PCDHGA9: variants seen among roughly 807,000 people sequenced by gnomAD.
PCDHGA9 encodes the protein protocadherin gamma subfamily A, 9.
Under a neutral mutation model 62.5 loss-of-function variants are expected in PCDHGA9, and 37 were observed. The observed-to-expected ratio is 0.59, with a 90% CI of 0.46 to 0.78. The LOEUF is 0.78. Among genes scored for constraint, PCDHGA9 ranks in the 30% least tolerant of loss-of-function variants. PCDHGA9 has a pLI of 0.00. For missense variants in PCDHGA9, 1,138 were observed against 1,166.2 expected, an observed-to-expected ratio of 0.98 and a Z score of 0.35; for synonymous variants, 459 against 484.6, an observed-to-expected ratio of 0.95 and a Z score of 0.69.
intron 1 of PCDHGA9, among the ~76,000 whole-genome samples, chr5:141,445,787 T>C (rs2098477657): frequency 1.3e-5 from 2 of 152,182 alleles, no homozygotes; most frequent in South Asian, 4.1e-4. Context: ...CTAGGGAGGC[T>C]AGAAACAGAA....
chr5:141,418,478 G>C (rs777772131), intron 1 of PCDHGA9: 1 of 1,613,976 alleles, frequency 6.2e-7, no homozygotes, highest in Non-Finnish European at 8.5e-7. Context: ...AACGCAGAGC[G>C]CTCACCACTT....
chr5:141,419,660 A>C (rs759082983), intron 1 of PCDHGA9: 1 of 1,612,798 alleles, frequency 6.2e-7, no homozygotes, highest in Admixed American at 1.7e-5. Context: ...CTCGGGGCAC[A>C]ATGCCTGGCT....
In PCDHGA9 at chr5:141,489,210, G is replaced by A; in HGVS notation, c.2425-5597G>A. ...TCTACCTTGGAGACAGGACAGCACAGACTTACTCTCCACAAAGGGACTTCT... is the reference window on the plus strand; with the variant it reads ...TCTACCTTGGAGACAGGACAGCACAAACTTACTCTCCACAAAGGGACTTCT... On this transcript the variant is annotated intron_variant, in intron 1 of 3. Coordinates refer to ENST00000573521, the MANE Select transcript of PCDHGA9 (RefSeq NM_018921.3). The surrounding 1 kb of genome is among the most constrained non-coding windows in gnomAD (Gnocchi z 4.5). 6 of 1,461,860 alleles carry A rather than the reference G, an allele frequency of 4.1e-6. No homozygotes were observed. Among genetic ancestry groups the A allele is most frequent in the Non-Finnish European group, 5.6e-6 (6 of 1,080,904 alleles). 90.6% of individuals were successfully genotyped at this position (1,461,860 alleles called of 1,614,324 possible). A position where few individuals can be genotyped will look rare whatever the true frequency, so the allele number is the denominator to read the frequency against.
At position 141,431,965 on chromosome 5, in the gene PCDHGA9, T is replaced by G. The variant is rs765281339; in HGVS notation, c.2424+26589T>G. ...TAGAAAAATCTTACGGAAATTACTATAGTTTAGTCACAGACATAGTCTTGG... is the reference window on the plus strand; with the variant it reads ...TAGAAAAATCTTACGGAAATTACTAGAGTTTAGTCACAGACATAGTCTTGG... On this transcript the variant is annotated intron_variant, in intron 1 of 3. Coordinates refer to ENST00000573521, the MANE Select transcript of PCDHGA9 (RefSeq NM_018921.3). This position sits in a 1 kb window ranked among gnomAD's most constrained non-coding sequence, Gnocchi z 4.8. The G allele has an allele frequency of 1.2e-6, 2 of 1,614,216 alleles. No individual in the cohort carries two copies. Among genetic ancestry groups the G allele is most frequent in the East Asian group, 4.5e-5 (2 of 44,892 alleles).
rs773688197 is a variant in PCDHGA9 at position 141,432,412 on chromosome 5, C to A, written c.2424+27036C>A. 2.5e-6 allele frequency: 4 copies of A among 1,614,128 alleles called. No homozygotes were observed. The Admixed American group carries it at 6.7e-5, about 27-fold the overall frequency. On this transcript the variant is annotated intron_variant, in intron 1 of 3. Transcript: ENST00000573521. The surrounding 1 kb of genome is among the most constrained non-coding windows in gnomAD (Gnocchi z 6.0). ...GCAGCAACGTGTCGTTGAGCCTGTT[C>A]GTGCTGGACCAGAACGACAATGCGC...
intron 1 of PCDHGA9, chr5:141,408,572 G>A (rs745760240): frequency 4.3e-6 from 7 of 1,614,048 alleles, no homozygotes; most frequent in East Asian, 2.2e-5. Flanking sequence ...TGTGGTGATT[G>A]AGGATGTTAA....
At chr5:141,495,613 G>A (rs1230710705) in intron 2 of PCDHGA9, among the ~76,000 whole-genome samples, 2 of 152,068 alleles carry the variant, frequency 1.3e-5, no homozygotes, top group Non-Finnish European at 2.9e-5. Flanking sequence ...CTTGATTGCT[G>A]CACCTCAGCC....
intron 1 of PCDHGA9, 91 bp from the exon 2 acceptor site, chr5:141,494,716 C>T (rs1448674271): frequency 3.7e-6 from 6 of 1,604,970 alleles, no homozygotes; most frequent in East Asian, 4.5e-5. Flanking sequence ...TGCCCACTCC[C>T]CTCCTTCTCT....
chr5:141,442,135 G>C lies in PCDHGA9; in HGVS notation c.2424+36759G>C, dbSNP rs868124128. 8 of 164,066 alleles carry C rather than the reference G, an allele frequency of 4.9e-5. 1 individual carries two copies. The highest frequency in any genetic ancestry group is 2.8e-4 in the South Asian group (2 of 7,026). 10.2% of individuals were successfully genotyped at this position (164,066 alleles called of 1,614,324 possible). On this transcript the variant is annotated intron_variant, in intron 1 of 3. Transcript: ENST00000573521. ...CCCTCGTCGCCGACAGCCTGCAGGA[G>C]ACTCTGCCAGACCTCAGCGATCACT...
chr5:141,419,785 G>T, intron 1 of PCDHGA9: 2 of 1,614,052 alleles, frequency 1.2e-6, no homozygotes, highest in Non-Finnish European at 1.7e-6. Flanking sequence ...GCCAGCGCCT[G>T]CTAGTCGCTG....
intron 1 of PCDHGA9, chr5:141,423,311 T>G: frequency 2.5e-6 from 4 of 1,614,134 alleles, no homozygotes; most frequent in Non-Finnish European, 3.4e-6. Flanking sequence ...CTGTACTTGG[T>G]GGTGGCGGTG....
At chr5:141,495,379 C>T (rs989240656) in intron 2 of PCDHGA9, among the ~76,000 whole-genome samples, 3 of 152,208 alleles carry the variant, frequency 2.0e-5, no homozygotes, top group Non-Finnish European at 4.4e-5. Context: ...TGAGGAAGGA[C>T]TGGGCGGGGC....
At chr5:141,495,804 T>G (rs894259635) in intron 2 of PCDHGA9, among the ~76,000 whole-genome samples, 1 of 152,168 alleles carries the variant, frequency 6.6e-6, no homozygotes, top group South Asian at 2.1e-4. Flanking sequence ...TTTCACCGTT[T>G]CCTAGCGCCT....
At chr5:141,449,349 G>C (rs191322076) in intron 1 of PCDHGA9, among the ~76,000 whole-genome samples, 2 of 152,074 alleles carry the variant, frequency 1.3e-5, no homozygotes, top group African/African-American at 4.8e-5. Flanking sequence ...GCTCACTCCT[G>C]TAATCCCAGC....
intron 2 of PCDHGA9, among the ~76,000 whole-genome samples, chr5:141,504,750 A>C (rs921495017): frequency 6.6e-6 from 1 of 151,894 alleles, no homozygotes; most frequent in Admixed American, 6.5e-5. Context: ...ATTGAATTTT[A>C]GAAATTTCTT....
intron 1 of PCDHGA9, among the ~76,000 whole-genome samples, chr5:141,469,206 A>T (rs752389937): frequency 6.6e-6 from 1 of 150,920 alleles, no homozygotes; most frequent in African/African-American, 2.4e-5. Flanking sequence ...AGCCTTTTGA[A>T]GTTGAGGCTT....
In PCDHGA9 at chr5:141,491,105, C is replaced by T; in HGVS notation, c.2425-3702C>T. ...ACAGCCCCAGGACTGTTCCTCGTGTCTACACACACTGGTGAGGTGCGCACA... is the reference window on the plus strand; with the variant it reads ...ACAGCCCCAGGACTGTTCCTCGTGTTTACACACACTGGTGAGGTGCGCACA... On this transcript the variant is annotated intron_variant, in intron 1 of 3. Transcript: ENST00000573521. This position sits in a 1 kb window ranked among gnomAD's most constrained non-coding sequence, Gnocchi z 6.9. 1 of 1,614,222 alleles carries T rather than the reference C, an allele frequency of 6.2e-7. No individual in the cohort carries two copies. Among genetic ancestry groups the T allele is most frequent in the Non-Finnish European group, 8.5e-7 (1 of 1,180,032 alleles).
At chr5:141,422,862 C>T in intron 1 of PCDHGA9, 1 of 1,614,270 alleles carries the variant, frequency 6.2e-7, no homozygotes, top group Non-Finnish European at 8.5e-7. Flanking sequence ...CCCTCAGCAG[C>T]AACGTGTCGC....
chr5:141,503,894 T>C (rs898125492), intron 2 of PCDHGA9, among the ~76,000 whole-genome samples: 2 of 152,144 alleles, frequency 1.3e-5, no homozygotes, highest in African/African-American at 4.8e-5. Flanking sequence ...CATGACAAAA[T>C]ATGCACACAC....
Sources: gnomAD v4.1 joint callset for allele counts (sites outside exome capture counted in the v4.1 genomes callset) on GRCh38, gnomAD v4.1.1 for gene constraint, Gnocchi (gnomAD v3.1) non-coding constraint, MANE v1.5 for transcripts, NCBI Gene and HGNC (gene_info 2026-07-23, HGNC 2026-07-21) for gene names.